The following TG variants were observed in gnomAD, a reference collection of about 807,000 sequenced individuals.
The protein encoded by TG is thyroglobulin.
A neutral mutation model predicts 324.7 loss-of-function variants in TG; 270 were observed. The ratio of observed to expected loss-of-function variants is 0.83; its 90% confidence interval spans 0.75 to 0.92. The LOEUF (loss-of-function observed/expected upper bound fraction) is 0.92, where lower values mean the gene tolerates loss of function less well. TG is among the 40% of genes least tolerant of loss of function. The probability of loss-of-function intolerance (pLI) is 0.00; values close to 1 mark genes in which losing one functional copy is unlikely to be tolerated. For synonymous variants in TG, 1,401 were observed against 1,327.0 expected, an observed-to-expected ratio of 1.06 and a Z score of -1.21; for missense variants, 3,591 against 3,456.4, an observed-to-expected ratio of 1.04 and a Z score of -0.98.
intron 44 of TG, 114 bp from the exon 45 acceptor site, chr8:133,116,494 TG>T: frequency 1.2e-6 from 1 of 830,422 alleles, no homozygotes; most frequent in Non-Finnish European, 2.1e-6. Context: ...CTTGTAGGCC[TG>T]GCAGGGGTGG....
intron 34 of TG, among the ~76,000 whole-genome samples, chr8:132,974,711 A>T (rs1829984299): frequency 6.6e-6 from 1 of 152,242 alleles, no homozygotes; most frequent in Non-Finnish European, 1.5e-5. Flanking sequence ...ATTAAAAAGA[A>T]TAAATACTGA....
intron 41 of TG, among the ~76,000 whole-genome samples, chr8:133,071,833 C>T (rs891486890): frequency 1.3e-5 from 2 of 152,170 alleles, no homozygotes; most frequent in Non-Finnish European, 2.9e-5. Context: ...TCTCTAAATG[C>T]TTACTGCTCC....
chr8:132,926,814 C>T (rs956568863), intron 22 of TG, among the ~76,000 whole-genome samples: 3 of 152,186 alleles, frequency 2.0e-5, no homozygotes, highest in Admixed American at 1.3e-4. Context: ...TGTCCAAGGA[C>T]ACAGAGCTGG....
At chr8:132,907,402 C>T (rs1188685457) in intron 17 of TG, among the ~76,000 whole-genome samples, 1 of 152,156 alleles carries the variant, frequency 6.6e-6, no homozygotes, top group Admixed American at 6.5e-5. Flanking sequence ...ATTGCTGGAA[C>T]TTGTGTAAGT....
At chr8:133,074,458 C>T (rs940283868) in intron 41 of TG, among the ~76,000 whole-genome samples, 7 of 152,148 alleles carry the variant, frequency 4.6e-5, no homozygotes, top group Non-Finnish European at 8.8e-5. Flanking sequence ...CATTAGGTAC[C>T]ATCATTGTCA....
At chr8:133,128,870 A>C (rs971244541) in intron 45 of TG, among the ~76,000 whole-genome samples, 1 of 152,246 alleles carries the variant, frequency 6.6e-6, no homozygotes, top group Non-Finnish European at 1.5e-5. Flanking sequence ...GTGATCAGAC[A>C]CAGCGCAGGG....
chr8:132,979,200 G>A (rs1830531965), intron 34 of TG, among the ~76,000 whole-genome samples: 1 of 152,178 alleles, frequency 6.6e-6, no homozygotes, highest in Admixed American at 6.5e-5. Flanking sequence ...CCAGAGCCCA[G>A]GGCTTCCTGG....
intron 18 of TG, among the ~76,000 whole-genome samples, 197 bp downstream of exon 18, chr8:132,908,537 C>T (rs1243021019): frequency 8.2e-6 from 1 of 122,520 alleles, no homozygotes; most frequent in Non-Finnish European, 1.9e-5. Flanking sequence ...TAGGGTCTTC[C>T]CAGGGGTCTG....
At chr8:132,878,613 A>G (rs1160353353) in intron 5 of TG, among the ~76,000 whole-genome samples, 3 of 150,918 alleles carry the variant, frequency 2.0e-5, no homozygotes, top group Admixed American at 6.6e-5. Context: ...TGTCTCAAAA[A>G]AAAAAAACAA....
chr8:132,913,371 A>T, intron 20 of TG, 106 bp downstream of exon 20: 2 of 1,191,300 alleles, frequency 1.7e-6, no homozygotes, highest in Non-Finnish European at 2.5e-6. Flanking sequence ...AGGGCTGAGA[A>T]CCATCCATTT....
Position 132,888,515 on chromosome 8 carries a change from A to G in TG, c.2708A>G (p.Glu903Gly), listed in dbSNP as rs1166944055. Residue 903 changes from glutamate to glycine, a missense_variant, in exon 10 of 48, where the codon GAG becomes GGG. By Grantham distance (98) the Glu-to-Gly change is moderately conservative. Coordinates refer to ENST00000220616, the MANE Select transcript of TG (RefSeq NM_003235.5). ...CTTCGGAACTGCTGGTGTGTGGATGAGGCTGGCCAAGAACTGGAAGGAATG... is the reference window on the plus strand; with the variant it reads ...CTTCGGAACTGCTGGTGTGTGGATGGGGCTGGCCAAGAACTGGAAGGAATG... ...FDLRNCWCVDEAGQELEGMRS... is the reference protein window; with the variant it reads ...FDLRNCWCVDGAGQELEGMRS... 6 of 1,611,332 alleles carry G rather than the reference A, an allele frequency of 3.7e-6. No homozygotes were observed. The highest frequency in any genetic ancestry group is 2.5e-6 in the Non-Finnish European group (3 of 1,178,920).
chr8:133,131,746 G>A, intron 45 of TG, 66 bp from the exon 46 acceptor site: 1 of 1,602,422 alleles, frequency 6.2e-7, no homozygotes, highest in East Asian at 2.2e-5. Flanking sequence ...TTGTTTGTGT[G>A]TTTGTGTTTT....
At chr8:132,962,334 G>A (rs1045534193) in intron 28 of TG, among the ~76,000 whole-genome samples, 7 of 152,058 alleles carry the variant, frequency 4.6e-5, no homozygotes, top group Admixed American at 2.6e-4. Flanking sequence ...GAGAGGATAC[G>A]TGAAATGCCC....
chr8:132,966,841 T>G (rs1406036209), intron 30 of TG, 144 bp downstream of exon 30: 10 of 1,007,262 alleles, frequency 9.9e-6, no homozygotes, highest in Non-Finnish European at 1.4e-5. Flanking sequence ...AAAAGAAAGA[T>G]AGCACATAAC....
At chr8:133,054,779 C>T (rs758645552) in intron 41 of TG, among the ~76,000 whole-genome samples, 5 of 152,106 alleles carry the variant, frequency 3.3e-5, no homozygotes, top group East Asian at 3.9e-4. Flanking sequence ...TGTACAAAAG[C>T]GTAAAATAGG....
chr8:132,974,741 A>G, intron 34 of TG, among the ~76,000 whole-genome samples: 1 of 152,226 alleles, frequency 6.6e-6, no homozygotes, highest in East Asian at 1.9e-4. Context: ...AAATCAAACC[A>G]GTTGGTGGTT....
intron 35 of TG, among the ~76,000 whole-genome samples, chr8:132,993,072 G>T (rs1199470888): frequency 6.6e-6 from 1 of 152,202 alleles, no homozygotes; most frequent in African/African-American, 2.4e-5. Context: ...CCAGAGGGCA[G>T]ATATTTTGTA....
chr8:132,904,214 G>A (rs532321595), intron 16 of TG, among the ~76,000 whole-genome samples: 22 of 152,298 alleles, frequency 1.4e-4, no homozygotes, highest in African/African-American at 4.3e-4. Flanking sequence ...CGCCTGGGAG[G>A]CCTTTGGGCA....
intron 41 of TG, among the ~76,000 whole-genome samples, chr8:133,071,535 G>A (rs144982539): frequency 7.5e-4 from 114 of 152,268 alleles, no homozygotes; most frequent in African/African-American, 2.6e-3. Flanking sequence ...TGGATAGAGC[G>A]GTGCAATGAG....
Sources: gnomAD v4.1 joint callset for allele counts (sites outside exome capture counted in the v4.1 genomes callset) on GRCh38, gnomAD v4.1.1 for gene constraint, MANE v1.5 for transcripts, NCBI Gene and HGNC (gene_info 2026-07-23, HGNC 2026-07-21) for gene names.